Variants in DNAH9 observed in about 807,000 individuals in gnomAD.
DNAH9 encodes dynein axonemal heavy chain 9.
DNAH9 carries 345 observed loss-of-function variants against 471.6 expected under a neutral mutation model. The ratio of observed to expected loss-of-function variants is 0.73; its 90% CI spans 0.67 to 0.80. The LOEUF (loss-of-function observed/expected upper bound fraction) is 0.80, where lower values mean the gene tolerates loss of function less well. Among genes scored for constraint, DNAH9 ranks in the 30% least tolerant of loss-of-function variants. The pLI, the probability that DNAH9 is intolerant of heterozygous loss-of-function variation, is 0.00. For missense variants in DNAH9, 5,407 were observed against 5,609.2 expected (o/e 0.96, Z 1.15); for synonymous variants, 2,093 against 2,123.6 (o/e 0.99, Z 0.40).
intron 1 of DNAH9, among the ~76,000 whole-genome samples, 156 bp downstream of exon 1, chr17:11,599,071 A>G (rs1007291533): frequency 3.3e-5 from 5 of 151,514 alleles, no homozygotes; most frequent in African/African-American, 9.7e-5. Flanking sequence ...CTGTGGAGGG[A>G]GCACAACCAG....
intron 8 of DNAH9, among the ~76,000 whole-genome samples, chr17:11,635,528 C>T (rs1173168409): frequency 6.6e-6 from 1 of 152,022 alleles, no homozygotes; most frequent in African/African-American, 2.4e-5. Context: ...AAACCATGCA[C>T]TGAGCAGTTT....
chr17:11,621,495 G>C (rs2072863135), intron 6 of DNAH9, among the ~76,000 whole-genome samples: 1 of 152,028 alleles, frequency 6.6e-6, no homozygotes, highest in African/African-American at 2.4e-5. Context: ...CAGGTTTGGA[G>C]GAAAGAGAGC....
intron 59 of DNAH9, among the ~76,000 whole-genome samples, chr17:11,902,242 A>G (rs1212690925): frequency 6.6e-6 from 1 of 152,206 alleles, no homozygotes; most frequent in Non-Finnish European, 1.5e-5. Flanking sequence ...TCCTCATAGA[A>G]ATAGACAACC....
chr17:11,793,608 A>G lies in DNAH9; in HGVS notation c.8167A>G (p.Lys2723Glu). The G allele has an allele frequency of 1.2e-6, 2 of 1,614,078 alleles. No individual in the cohort carries two copies. Among genetic ancestry groups the G allele is most frequent in the Non-Finnish European group, 1.7e-6 (2 of 1,179,960 alleles). The change falls in exon 42 of 69, where the codon AAG (lysine) becomes GAG (glutamate). Residue 2723 changes from lysine to glutamate, a missense_variant. By Grantham distance (56) the Lys-to-Glu change is moderately conservative. Coordinates refer to ENST00000262442, the MANE Select transcript of DNAH9 (RefSeq NM_001372.4). ...TTATCGGGATAAGATGGTAGAAGAAAAGGACTTTGATCTTTTTGATAAAAT... is the reference window on the plus strand; with the variant it reads ...TTATCGGGATAAGATGGTAGAAGAAGAGGACTTTGATCTTTTTGATAAAAT... ...RVYRDKMVEE[K>E]DFDLFDKIQT...
At chr17:11,852,795 T>A (rs1971469022) in intron 49 of DNAH9, among the ~76,000 whole-genome samples, 1 of 114,470 alleles carries the variant, frequency 8.7e-6, no homozygotes, top group Non-Finnish European at 1.8e-5. Flanking sequence ...GAGATATATA[T>A]AAGAAAGTGT....
At chr17:11,849,268 A>G (rs1971330474) in intron 49 of DNAH9, among the ~76,000 whole-genome samples, 1 of 152,142 alleles carries the variant, frequency 6.6e-6, no homozygotes, top group East Asian at 1.9e-4. Flanking sequence ...CTAGATGGCT[A>G]AGCTACCTCC....
intron 14 of DNAH9, among the ~76,000 whole-genome samples, chr17:11,657,490 A>C (rs1200024369): frequency 6.6e-6 from 1 of 152,054 alleles, no homozygotes; most frequent in Non-Finnish European, 1.5e-5. Flanking sequence ...TATCTTCTCC[A>C]AATTGGTGGT....
chr17:11,723,699 G>A (rs970161797), intron 27 of DNAH9, among the ~76,000 whole-genome samples: 8 of 150,852 alleles, frequency 5.3e-5, no homozygotes, highest in Non-Finnish European at 2.9e-5. Context: ...ATGGAGTCTC[G>A]CTCTGTCCCC....
chr17:11,789,390 G>C (rs150209797), intron 41 of DNAH9, among the ~76,000 whole-genome samples: 19 of 152,118 alleles, frequency 1.2e-4, no homozygotes, highest in African/African-American at 4.3e-4. Flanking sequence ...AGACTATTCA[G>C]ATTGTCTATT....
chr17:11,886,840 G>T lies in DNAH9; in HGVS notation c.10987G>T (p.Val3663Leu), dbSNP rs780600022. Residue 3663 changes from valine (V) to leucine (L), a missense_variant, in exon 57 of 69, where the codon GTG becomes TTG. Transcript: ENST00000262442. Reference sequence around the variant, plus strand: ...TTTCCAACAGGTCCAGGAGGCCAAGGTGACTGAAGTGAAAATCAACGAGGC... The same window carrying T: ...TTTCCAACAGGTCCAGGAGGCCAAGTTGACTGAAGTGAAAATCAACGAGGC... ...EVEKKVQEAK[V>L]TEVKINEARE... 13 of 1,611,658 alleles carry T rather than the reference G, an allele frequency of 8.1e-6. No individual in the cohort carries two copies. In the Admixed American group the frequency reaches 1.2e-4, roughly 15 times the overall value.
At chr17:11,632,277 T>G (rs1030251499) in intron 7 of DNAH9, among the ~76,000 whole-genome samples, 1 of 152,132 alleles carries the variant, frequency 6.6e-6, no homozygotes, top group Non-Finnish European at 1.5e-5. Context: ...CAGGGTTATG[T>G]GAGCTGGTGT....
At chr17:11,909,693 G>C (rs981275756) in intron 61 of DNAH9, among the ~76,000 whole-genome samples, 1 of 151,960 alleles carries the variant, frequency 6.6e-6, no homozygotes. Flanking sequence ...GTACAGATGA[G>C]ACACGCTGCT....
At chr17:11,766,357 A>G (rs1379562054) in intron 36 of DNAH9, among the ~76,000 whole-genome samples, 2 of 152,164 alleles carry the variant, frequency 1.3e-5, no homozygotes, top group Non-Finnish European at 2.9e-5. Context: ...AGAGAGAACA[A>G]TCTCTCGGAA....
intron 6 of DNAH9, among the ~76,000 whole-genome samples, chr17:11,627,483 A>T (rs974203495): frequency 1.3e-5 from 2 of 152,238 alleles, no homozygotes; most frequent in Non-Finnish European, 2.9e-5. Context: ...CCAAGGTTGC[A>T]TTTCACAGCA....
In DNAH9 at chr17:11,598,570, A is replaced by C. The variant is rs540068974; in HGVS notation, c.72A>C (p.Arg24=). ...NADGEPGADR[R]LRLLGTYVAM... is the part of the protein sequence containing the mutation. Reference sequence around the variant, plus strand: ...ATGGGGAACCCGGCGCCGACCGACGACTGCGACTCCTGGGGACCTACGTGG... The same window carrying C: ...ATGGGGAACCCGGCGCCGACCGACGCCTGCGACTCCTGGGGACCTACGTGG... The change falls in exon 1 of 69, where the codon CGA becomes CGC. Residue 24 remains arginine, a synonymous_variant. Coordinates refer to ENST00000262442, the MANE Select transcript of DNAH9 (RefSeq NM_001372.4). The C allele has an allele frequency of 7.2e-5, 101 of 1,405,302 alleles. No homozygotes were observed. Among genetic ancestry groups the C allele is most frequent in the Admixed American group, 3.0e-4 (9 of 30,264 alleles). The allele number at this position is 1,405,302 out of a possible 1,614,324, so 87.1% of individuals were successfully genotyped here.
In DNAH9 at chr17:11,886,872, G is replaced by C; in HGVS notation, c.11019G>C (p.Glu3673Asp). ...VTEVKINEAREHYRPAAARAS... is the reference protein window; with the variant it reads ...VTEVKINEARDHYRPAAARAS... ...AAGTGAAAATCAACGAGGCCCGAGA[G>C]CACTACCGGCCAGCAGCTGCCAGGG... Residue 3673 changes from glutamate (E) to aspartate (D), a missense_variant, in exon 57 of 69, where the codon GAG (glutamate) becomes GAC (aspartate). By Grantham distance (45) the Glu-to-Asp change is conservative. Coordinates refer to ENST00000262442, the MANE Select transcript of DNAH9 (RefSeq NM_001372.4). 1 of 1,612,814 alleles carries C rather than the reference G, an allele frequency of 6.2e-7. No individual in the cohort carries two copies. The highest frequency in any genetic ancestry group is 8.5e-7 in the Non-Finnish European group (1 of 1,179,438).
chr17:11,666,151 T>C (rs11078025), intron 15 of DNAH9, among the ~76,000 whole-genome samples: 51,244 of 152,104 alleles, frequency 0.34, 8,853 homozygotes, highest in Middle Eastern at 0.41. Flanking sequence ...CAAGTCTGGA[T>C]AACTGGCTCT....
In DNAH9 at chr17:11,854,499, T is replaced by A; in HGVS notation, c.9933+71T>A. On this transcript the variant is annotated intron_variant, in intron 50 of 68. Transcript: ENST00000262442. ...CAAACAACGCTCTTCAGACACCATC[T>A]AACACCTAACGTTACGGTTTTTAAA... 7 of 1,471,862 alleles carry A rather than the reference T, an allele frequency of 4.8e-6. No individual in the cohort carries two copies. In the South Asian group the frequency reaches 9.5e-5, roughly 20 times the overall value. The allele number at this position is 1,471,862 out of a possible 1,614,324, so 91.2% of individuals were successfully genotyped here.
At chr17:11,896,392 G>C (rs1166652979) in intron 59 of DNAH9, among the ~76,000 whole-genome samples, 1 of 152,168 alleles carries the variant, frequency 6.6e-6, no homozygotes, top group Admixed American at 6.5e-5. Flanking sequence ...AATGGACACG[G>C]CTGAGTTCCA....
Sources: allele counts gnomAD v4.1 joint callset (sites outside exome capture counted in the v4.1 genomes callset), GRCh38; gene constraint gnomAD v4.1.1; transcripts MANE v1.5; gene names NCBI Gene and HGNC (gene_info 2026-07-23, HGNC 2026-07-21).